PICK1: variants seen among roughly 807,000 people sequenced by gnomAD.
The protein encoded by PICK1 is protein interacting with PRKCA 1.
In PICK1, 23 loss-of-function variants were observed where a neutral mutation model predicts 48.9. That is an observed-to-expected ratio of 0.47 (90% confidence interval 0.34 to 0.67). The LOEUF is 0.67. Ranked by LOEUF, PICK1 falls within the 30% of genes least tolerant of loss-of-function variation. The pLI is 0.01. For missense variants in PICK1, 423 were observed against 557.1 expected, an observed-to-expected ratio of 0.76 and a Z score of 2.42; for synonymous variants, 217 against 228.2, an observed-to-expected ratio of 0.95 and a Z score of 0.44.
intron 3 of PICK1, among the ~76,000 whole-genome samples, chr22:38,061,726 G>A (rs2145860168): frequency 6.6e-6 from 1 of 152,264 alleles, no homozygotes; most frequent in South Asian, 2.1e-4. Context: ...TTGCCATGTT[G>A]CCCAGGCTTG....
Position 38,075,077 on chromosome 22 carries a change from A to G in PICK1, c.1193A>G (p.Asp398Gly). ...ACGGCAGCTGGGGAGCCGTCCAGGG[A>G]TACACGAGGGGCTGCTGGGCCCTTG... ...EDTAAGEPSR[D>G]TRGAAGPLDK... Residue 398 changes from aspartate (D) to glycine (G), a missense_variant, in exon 13 of 13, where the codon GAT becomes GGT. By Grantham distance (94) the Asp-to-Gly change is moderately conservative (BLOSUM62 -1). Coordinates refer to ENST00000356976, the MANE Select transcript of PICK1 (RefSeq NM_012407.4). 6.2e-7 allele frequency: 1 copy of G among 1,612,856 alleles called. No individual in the cohort carries two copies. The highest frequency in any genetic ancestry group is 8.5e-7 in the Non-Finnish European group (1 of 1,179,968).
Position 38,071,091 on chromosome 22 carries a change from A to C in PICK1, c.493+200A>C, listed in dbSNP as rs149316109. On this transcript the variant is annotated intron_variant, in intron 7 of 12. Transcript: ENST00000356976. ...GCCTGGTGCAGTGGCTCACGCCTGTAATCCCAGCACTTTGGGAGGCTGAGG... is the reference window on the plus strand; with the variant it reads ...GCCTGGTGCAGTGGCTCACGCCTGTCATCCCAGCACTTTGGGAGGCTGAGG... Among the ~76,000 whole-genome samples the C allele has an allele frequency of 4.8e-3, 733 of 152,356 alleles. 9 individuals are homozygous for C. The highest frequency in any genetic ancestry group is 0.017 in the African/African-American group (703 of 41,582).
chr22:38,059,091 T>C (rs984830617), intron 2 of PICK1, 143 bp from the exon 3 acceptor site: 1 of 686,394 alleles, frequency 1.5e-6, no homozygotes, highest in East Asian at 2.7e-5. Flanking sequence ...GCTGTGCATG[T>C]TCCAGCACAA....
At position 38,074,204 on chromosome 22, in the gene PICK1, T is replaced by G; in HGVS notation, c.835-103T>G. On this transcript the variant is annotated intron_variant, in intron 11 of 12. Coordinates refer to ENST00000356976, the MANE Select transcript of PICK1 (RefSeq NM_012407.4). This position sits in a 1 kb window ranked among gnomAD's most constrained non-coding sequence, Gnocchi z 4.5. ...AGTGCTTCTGAGAAACACTGAAGTC[T>G]CAGAAATGAGGTCTCAGGAATGAAG... The G allele has an allele frequency of 7.1e-7, 1 of 1,401,982 alleles. No individual in the cohort carries two copies. The highest frequency in any genetic ancestry group is 1.7e-5 in the Admixed American group (1 of 57,526). 86.8% of individuals were successfully genotyped at this position (1,401,982 alleles called of 1,614,324 possible). A position where few individuals can be genotyped will look rare whatever the true frequency, so the allele number is the denominator to read the frequency against.
Position 38,073,629 on chromosome 22 carries a change from T to C in PICK1, c.784-144T>C, listed in dbSNP as rs190447232. 1.5e-4 allele frequency: 121 copies of C among 781,636 alleles called. No individual in the cohort carries two copies. The African/African-American group carries it at 1.7e-3, about 11-fold the overall frequency. 48.4% of individuals were successfully genotyped at this position (781,636 alleles called of 1,614,324 possible). On this transcript the variant is annotated intron_variant, in intron 10 of 12. Transcript: ENST00000356976. The surrounding 1 kb of genome is among the most constrained non-coding windows in gnomAD (Gnocchi z 5.7). The stretch of plus-strand genomic sequence containing the variant: ...GCCGCCTAAGCCTCAGGCCCTGTCA[T>C]CCCTCAGCACCTGCCGCTGCCCGCT...
chr22:38,071,346 A>AC (rs1326404692), intron 7 of PICK1, among the ~76,000 whole-genome samples: 1 of 152,240 alleles, frequency 6.6e-6, no homozygotes, highest in Non-Finnish European at 1.5e-5. Context: ...CCTATCTCAA[A>AC]AAAAACAAAA....
In PICK1 at chr22:38,057,821, C is replaced by T; in HGVS notation, c.12C>T (p.Asp4=). 1 of 1,614,056 alleles carries T rather than the reference C, an allele frequency of 6.2e-7. No homozygotes were observed. The highest frequency in any genetic ancestry group is 8.5e-7 in the Non-Finnish European group (1 of 1,179,880). The change falls in exon 2 of 13, where the codon GAC becomes GAT. Residue 4 remains aspartate, a synonymous_variant. Coordinates refer to ENST00000356976, the MANE Select transcript of PICK1 (RefSeq NM_012407.4). MFA[D]LDYDIEEDKL... Reference sequence around the variant, plus strand: ...CAACTCTCGGAACCATGTTTGCAGACTTGGATTATGACATCGAAGAGGATA... The same window carrying T: ...CAACTCTCGGAACCATGTTTGCAGATTTGGATTATGACATCGAAGAGGATA...
chr22:38,074,046 G>T lies in PICK1; in HGVS notation c.834+223G>T. ...CTGGGGGACTCTTGGAGGGAAATCGGATTTTCTTCACTCCTATGAGGCGCT... is the reference window on the plus strand; with the variant it reads ...CTGGGGGACTCTTGGAGGGAAATCGTATTTTCTTCACTCCTATGAGGCGCT... On this transcript the variant is annotated intron_variant, in intron 11 of 12. Transcript: ENST00000356976. The surrounding 1 kb of genome is among the most constrained non-coding windows in gnomAD (Gnocchi z 4.5). 1 of 634,264 alleles carries T rather than the reference G, an allele frequency of 1.6e-6. No individual in the cohort carries two copies. Among genetic ancestry groups the T allele is most frequent in the Non-Finnish European group, 2.7e-6 (1 of 364,784 alleles). 39.3% of individuals were successfully genotyped at this position (634,264 alleles called of 1,614,324 possible).
chr22:38,067,522 T>C (rs1224736846), intron 4 of PICK1, 182 bp from the exon 5 acceptor site: 3 of 620,412 alleles, frequency 4.8e-6, no homozygotes, highest in African/African-American at 3.6e-5. Flanking sequence ...TTGCCCAAGC[T>C]GGTCTCAAAC....
rs1354078951 is a variant in PICK1 at position 38,070,842 on chromosome 22, G to T, written c.444G>T (p.Gly148=). Residue 148 remains glycine (G), a synonymous_variant, in exon 7 of 13, where the codon GGG becomes GGT. Transcript: ENST00000356976. ...CTCTTCTTTGAATCCCGACAGATGG[G>T]CTTGTCAAGAGGCTAGAGGAGCTGG... The part of the protein sequence containing the change: ...GLSRAILCND[G]LVKRLEELER... 6.2e-7 allele frequency: 1 copy of T among 1,613,922 alleles called. No homozygotes were observed. The highest frequency in any genetic ancestry group is 1.3e-5 in the African/African-American group (1 of 75,028).
rs2085730466 is a variant in PICK1 at position 38,072,678 on chromosome 22, G to A, written c.690+68G>A. The A allele has an allele frequency of 2.5e-6, 4 of 1,592,740 alleles. No homozygotes were observed. In the Admixed American group the frequency reaches 6.7e-5, roughly 27 times the overall value. On this transcript the variant is annotated intron_variant, in intron 9 of 12. Transcript: ENST00000356976. ...GGGAGGGGAGAGTGTGGCATGCAGA[G>A]AAGGTCGTATGCTGGAGTCCTGTGC... is the stretch of plus-strand genomic sequence containing the variant.
At chr22:38,071,771 G>A (rs1186037001) in intron 8 of PICK1, 27 bp downstream of exon 8, 5 of 1,602,882 alleles carry the variant, frequency 3.1e-6, no homozygotes, top group Non-Finnish European at 4.3e-6. Flanking sequence ...AAGCTGTGGT[G>A]TGACCGTGGG....
chr22:38,072,228 A>G (rs1026814342), intron 8 of PICK1, among the ~76,000 whole-genome samples: 1 of 151,936 alleles, frequency 6.6e-6, no homozygotes, highest in Non-Finnish European at 1.5e-5. Flanking sequence ...ATGAGGGCCA[A>G]CTCCCTTGGT....
At chr22:38,072,919 G>T in intron 9 of PICK1, 81 bp from the exon 10 acceptor site, 1 of 952,982 alleles carries the variant, frequency 1.0e-6, no homozygotes, top group South Asian at 1.3e-5. Context: ...CCACCAACAA[G>T]GGTGACGCAT....
At position 38,073,437 on chromosome 22, in the gene PICK1, G is replaced by A. The variant is rs1041936036; in HGVS notation, c.784-336G>A. Among the ~76,000 whole-genome samples the A allele has an allele frequency of 6.6e-6, 1 of 152,248 alleles. No individual in the cohort carries two copies. The highest frequency in any genetic ancestry group is 1.5e-5 in the Non-Finnish European group (1 of 68,042). ...ATTATTCTACAGTCAAAGGAATTGA[G>A]AGAAAATGCTCTATTAAGCAAGCCA... On this transcript the variant is annotated intron_variant, in intron 10 of 12. Coordinates refer to ENST00000356976, the MANE Select transcript of PICK1 (RefSeq NM_012407.4). This position sits in a 1 kb window ranked among gnomAD's most constrained non-coding sequence, Gnocchi z 5.7.
At chr22:38,070,762 C>T in intron 6 of PICK1, 76 bp from the exon 7 acceptor site, 2 of 1,318,904 alleles carry the variant, frequency 1.5e-6, no homozygotes, top group East Asian at 2.3e-5. Flanking sequence ...GTTGCCTCTC[C>T]CCTCCCCAGC....
rs759250990 is a variant in PICK1 at position 38,073,775 on chromosome 22, G to A, written c.786G>A (p.Ser262=). 2.4e-5 allele frequency: 38 copies of A among 1,613,304 alleles called. No homozygotes were observed. The highest frequency in any genetic ancestry group is 4.4e-5 in the South Asian group (4 of 91,074). ...ACAGCCTCACCTGTCCCACACAGTC[G>A]TACTGCCTGAAGGTGAAGGAGATGG... ...KYLDVKFEYL[S]YCLKVKEMDD... is the part of the protein sequence containing the mutation. The change falls in exon 11 of 13, where the codon TCG becomes TCA. Residue 262 remains serine (S), a splice_region_variant and synonymous_variant. Coordinates refer to ENST00000356976, the MANE Select transcript of PICK1 (RefSeq NM_012407.4). The surrounding 1 kb of genome is among the most constrained non-coding windows in gnomAD (Gnocchi z 5.7).
chr22:38,074,237 G>T lies in PICK1; in HGVS notation c.835-70G>T, dbSNP rs1317408272. ...GAGGTCTCAGGAATGAAGAACAGCC[G>T]TGGCTTTGAAAGCACAGTGCGGTGC... On this transcript the variant is annotated intron_variant, in intron 11 of 12. Transcript: ENST00000356976. This position sits in a 1 kb window ranked among gnomAD's most constrained non-coding sequence, Gnocchi z 4.5. 6.4e-7 allele frequency: 1 copy of T among 1,558,824 alleles called. No individual in the cohort carries two copies. The highest frequency in any genetic ancestry group is 2.3e-5 in the East Asian group (1 of 44,326).
chr22:38,074,761 G>T lies in PICK1; in HGVS notation c.980-103G>T. ...GGTCAGGGAAGTGCCCGAGTGGGAAGCCCAGGGGAGGCGAGAGGTGGGCCG... is the reference window on the plus strand; with the variant it reads ...GGTCAGGGAAGTGCCCGAGTGGGAATCCCAGGGGAGGCGAGAGGTGGGCCG... On this transcript the variant is annotated intron_variant, in intron 12 of 12. Coordinates refer to ENST00000356976, the MANE Select transcript of PICK1 (RefSeq NM_012407.4). The surrounding 1 kb of genome is among the most constrained non-coding windows in gnomAD (Gnocchi z 4.5). The T allele has an allele frequency of 6.9e-7, 1 of 1,457,200 alleles. No homozygotes were observed. Among genetic ancestry groups the T allele is most frequent in the Non-Finnish European group, 9.4e-7 (1 of 1,064,980 alleles). The allele number at this position is 1,457,200 out of a possible 1,614,324, so 90.3% of individuals were successfully genotyped here.
Sources: gnomAD v4.1 joint callset for allele counts (sites outside exome capture counted in the v4.1 genomes callset) on GRCh38, gnomAD v4.1.1 for gene constraint, Gnocchi (gnomAD v3.1) non-coding constraint, MANE v1.5 for transcripts, NCBI Gene and HGNC (gene_info 2026-07-23, HGNC 2026-07-21) for gene names.